SCTR: variants seen among roughly 807,000 people sequenced by gnomAD.
The protein encoded by SCTR is secretin receptor, also known as pancreatic secretin receptor.
SCTR carries 56 observed loss-of-function variants against 60.8 expected under a neutral mutation model. The ratio of observed to expected loss-of-function variants is 0.92; its 90% confidence interval spans 0.74 to 1.15. The LOEUF (loss-of-function observed/expected upper bound fraction) is 1.15. SCTR is among the 50% of genes most tolerant of loss of function. The pLI is 0.00. For synonymous variants in SCTR, 202 were observed against 217.0 expected (o/e 0.93, Z 0.61); for missense variants, 562 against 550.4 (o/e 1.02, Z -0.21).
chr2:119,454,854 C>CA (rs34210976), intron 7 of SCTR, among the ~76,000 whole-genome samples: 35,414 of 145,008 alleles, frequency 0.24, 4,801 homozygotes, highest in African/African-American at 0.38. Flanking sequence ...AACTCCATCT[C>CA]AAAAAAAAAA....
At chr2:119,487,509 C>G (rs1288390004) in intron 2 of SCTR, among the ~76,000 whole-genome samples, 1 of 152,084 alleles carries the variant, frequency 6.6e-6, no homozygotes, top group African/African-American at 2.4e-5. Flanking sequence ...CACAGCAGGA[C>G]ACATGCCCAG....
At chr2:119,503,446 G>C (rs1001512637) in intron 1 of SCTR, among the ~76,000 whole-genome samples, 1 of 152,004 alleles carries the variant, frequency 6.6e-6, no homozygotes, top group Non-Finnish European at 1.5e-5. Flanking sequence ...GGCGTGCATA[G>C]GATTGCTTGA....
At chr2:119,494,337 C>T (rs1291617527) in intron 2 of SCTR, 91 bp downstream of exon 2, 8 of 1,411,040 alleles carry the variant, frequency 5.7e-6, no homozygotes, top group Non-Finnish European at 6.8e-6. Context: ...CTCCCACATC[C>T]CATCCTGGCC....
intron 2 of SCTR, among the ~76,000 whole-genome samples, chr2:119,480,141 T>G (rs1383346529): frequency 6.6e-6 from 1 of 152,246 alleles, no homozygotes; most frequent in Non-Finnish European, 1.5e-5. Flanking sequence ...TGCATCTATT[T>G]GTAAATTCAT....
At chr2:119,512,162 T>C (rs538579222) in intron 1 of SCTR, among the ~76,000 whole-genome samples, 1 of 152,306 alleles carries the variant, frequency 6.6e-6, no homozygotes, top group East Asian at 1.9e-4. Context: ...ATGTTTTTAA[T>C]TTATTATTTC....
At chr2:119,511,021 C>T (rs1678911899) in intron 1 of SCTR, among the ~76,000 whole-genome samples, 1 of 151,870 alleles carries the variant, frequency 6.6e-6, no homozygotes, top group Non-Finnish European at 1.5e-5. Context: ...CGCGGTGAAA[C>T]CCCGTCTCTA....
chr2:119,495,613 A>G (rs1393245103), intron 1 of SCTR: 1 of 152,266 alleles, frequency 6.6e-6, no homozygotes, highest in African/African-American at 2.4e-5. Flanking sequence ...CTAAGGTAGC[A>G]CTATGGTCAA....
intron 3 of SCTR, among the ~76,000 whole-genome samples, chr2:119,475,417 G>C (rs992708927): frequency 5.9e-5 from 9 of 152,080 alleles, no homozygotes; most frequent in African/African-American, 2.2e-4. Context: ...CAAGACAGAT[G>C]CTGCATGTGA....
chr2:119,481,813 T>A (rs975260603), intron 2 of SCTR, among the ~76,000 whole-genome samples: 2 of 152,154 alleles, frequency 1.3e-5, no homozygotes, highest in African/African-American at 4.8e-5. Flanking sequence ...AACCACTGCC[T>A]CCCACACCAG....
intron 4 of SCTR, among the ~76,000 whole-genome samples, chr2:119,471,042 C>G: frequency 6.6e-6 from 1 of 152,122 alleles, no homozygotes; most frequent in South Asian, 2.1e-4. Flanking sequence ...ACAATGCCAG[C>G]CTAAGGAAGA....
At chr2:119,450,128 G>A (rs1400474593) in intron 9 of SCTR, among the ~76,000 whole-genome samples, 1 of 148,800 alleles carries the variant, frequency 6.7e-6, no homozygotes, top group Admixed American at 6.7e-5. Context: ...AGGAAGGAAA[G>A]GAAGGAAGGA....
intron 2 of SCTR, among the ~76,000 whole-genome samples, chr2:119,485,140 G>A (rs756569622): frequency 2.0e-5 from 3 of 152,382 alleles, no homozygotes; most frequent in East Asian, 1.9e-4. Flanking sequence ...GTGGTGCTAC[G>A]TGAATCTCTA....
In SCTR at chr2:119,461,962, G is replaced by T. The variant is rs1365419760; in HGVS notation, c.675C>A (p.Cys225Ter). 2 of 1,613,868 alleles carry T rather than the reference G, an allele frequency of 1.2e-6. No individual in the cohort carries two copies. Among genetic ancestry groups the T allele is most frequent in the African/African-American group, 2.7e-5 (2 of 75,022 alleles). ...CKLVMVLFQYCIMANYSWLLV... is the reference protein window; with the variant it reads ...CKLVMVLFQY Reference sequence around the variant, plus strand: ...GCAGCCAGGAGTAGTTGGCCATGATGCAGTACTGGAACAGCACCATGACCA... The same window carrying T: ...GCAGCCAGGAGTAGTTGGCCATGATTCAGTACTGGAACAGCACCATGACCA... Residue 225 changes from cysteine to a stop codon, truncating the protein, a stop_gained, in exon 7 of 13, where the codon TGC becomes TGA. Coordinates refer to ENST00000019103, the MANE Select transcript of SCTR (RefSeq NM_002980.3). LOFTEE classifies it high-confidence loss of function.
At chr2:119,452,148 T>C in intron 8 of SCTR, 69 bp from the exon 9 acceptor site, 1 of 966,266 alleles carries the variant, frequency 1.0e-6, no homozygotes, top group East Asian at 2.4e-5. Context: ...AGCAAGGACA[T>C]GTTCCCTGAG....
intron 7 of SCTR, among the ~76,000 whole-genome samples, chr2:119,460,441 TG>T (rs1683558134): frequency 8.9e-6 from 1 of 112,252 alleles, no homozygotes; most frequent in Non-Finnish European, 1.9e-5. Context: ...GGTGGGTGGA[TG>T]GATGGATGGA....
At chr2:119,447,147 C>T (rs566148768) in intron 10 of SCTR, among the ~76,000 whole-genome samples, 6 of 151,958 alleles carry the variant, frequency 3.9e-5, no homozygotes, top group East Asian at 3.9e-4. Flanking sequence ...GAAAAAAAAA[C>T]GGTACCTACA....
chr2:119,491,250 T>C (rs950727981), intron 2 of SCTR, among the ~76,000 whole-genome samples: 8 of 152,182 alleles, frequency 5.3e-5, no homozygotes, highest in African/African-American at 1.9e-4. Context: ...CCTAAGACTC[T>C]CCAAGGCTTT....
chr2:119,469,389 T>G (rs915703136), intron 4 of SCTR, among the ~76,000 whole-genome samples: 1 of 152,122 alleles, frequency 6.6e-6, no homozygotes, highest in Non-Finnish European at 1.5e-5. Context: ...CCGCTTCTCA[T>G]GTAGACCCGT....
intron 11 of SCTR, among the ~76,000 whole-genome samples, chr2:119,446,008 G>T (rs1452635075): frequency 6.6e-6 from 1 of 152,184 alleles, no homozygotes; most frequent in East Asian, 1.9e-4. Context: ...TAAACAAACG[G>T]CATTGTGAAG....
Sources: allele counts gnomAD v4.1 joint callset (sites outside exome capture counted in the v4.1 genomes callset), GRCh38; gene constraint gnomAD v4.1.1; transcripts MANE v1.5; gene names NCBI Gene and HGNC (gene_info 2026-07-23, HGNC 2026-07-21).